Variants in LAMA4 observed in about 807,000 individuals in gnomAD.
LAMA4 encodes the protein laminin subunit alpha 4.
A neutral mutation model predicts 207.1 loss-of-function variants in LAMA4; 127 were observed. That is an observed-to-expected ratio of 0.61 (90% CI 0.53 to 0.71). The LOEUF (loss-of-function observed/expected upper bound fraction) is 0.71. Among genes scored for constraint, LAMA4 ranks in the 30% least tolerant of loss-of-function variants. The probability of loss-of-function intolerance (pLI) is 0.00; values close to 1 mark genes in which losing one functional copy is unlikely to be tolerated. For synonymous variants in LAMA4, 761 were observed against 816.0 expected, an observed-to-expected ratio of 0.93 and a Z score of 1.15; for missense variants, 2,093 against 2,246.5, an observed-to-expected ratio of 0.93 and a Z score of 1.38.
At chr6:112,129,168 A>C in intron 30 of LAMA4, 93 bp from the exon 31 acceptor site, 1 of 1,150,432 alleles carries the variant, frequency 8.7e-7, no homozygotes, top group Non-Finnish European at 1.3e-6. Flanking sequence ...TTGGCAATTA[A>C]AATGTGTGTG....
rs116162523 is a variant in LAMA4, at chr6:112,181,506, C to T, written c.1078-3274G>A. ...CAGTTCCAGTCCCAAGAACTTAGCA[C>T]GCTGCTTCACATCTATCTGTTCTCA... On this transcript the variant is annotated intron_variant, in intron 9 of 38. Transcript: ENST00000230538. 1.5e-3 allele frequency among the ~76,000 whole-genome samples: 225 copies of T among 152,274 alleles called. 1 individual carries two copies. The highest frequency in any genetic ancestry group is 5.1e-3 in the African/African-American group (213 of 41,554).
intron 8 of LAMA4, among the ~76,000 whole-genome samples, chr6:112,186,576 GGATGCTCCAGTTCCT>G (rs1782695802): frequency 6.6e-6 from 1 of 152,120 alleles, no homozygotes; most frequent in Non-Finnish European, 1.5e-5. Context: ...GACCCCGTGG[GGATGCTCCAGTTCCT>G]GATACAAAAT....
chr6:112,249,420 C>G, intron 2 of LAMA4, among the ~76,000 whole-genome samples: 1 of 97,650 alleles, frequency 1.0e-5, no homozygotes. Context: ...TCCAGACAGG[C>G]AATAGAGCAA....
intron 31 of LAMA4, among the ~76,000 whole-genome samples, chr6:112,127,257 G>A (rs1778751472): frequency 6.6e-6 from 1 of 151,786 alleles, no homozygotes; most frequent in African/African-American, 2.4e-5. Flanking sequence ...ACAATATAAG[G>A]ACTATGAAAA....
intron 9 of LAMA4, among the ~76,000 whole-genome samples, chr6:112,180,186 A>G (rs1341099202): frequency 1.3e-5 from 2 of 152,158 alleles, no homozygotes; most frequent in African/African-American, 4.8e-5. Context: ...TTCCTATGTC[A>G]TTAAACTTAT....
intron 9 of LAMA4, among the ~76,000 whole-genome samples, chr6:112,182,179 C>T (rs112536979): frequency 7.5e-4 from 114 of 152,026 alleles, no homozygotes; most frequent in Middle Eastern, 3.4e-3. Context: ...GAAATGTAAA[C>T]AGTTATCCCT....
chr6:112,201,783 A>G, intron 4 of LAMA4, 95 bp from the exon 5 acceptor site: 1 of 1,028,300 alleles, frequency 9.7e-7, no homozygotes, highest in South Asian at 1.3e-5. Flanking sequence ...TGGTCCCATT[A>G]AAGTTCTAAT....
chr6:112,205,546 C>T (rs1784010934), intron 4 of LAMA4, among the ~76,000 whole-genome samples: 1 of 151,594 alleles, frequency 6.6e-6, no homozygotes, highest in Non-Finnish European at 1.5e-5. Flanking sequence ...ATTGGCTACT[C>T]TTTCTACTTG....
At chr6:112,181,895 G>A (rs996357335) in intron 9 of LAMA4, among the ~76,000 whole-genome samples, 6 of 152,024 alleles carry the variant, frequency 3.9e-5, no homozygotes, top group African/African-American at 1.2e-4. Flanking sequence ...TCAGGAATTT[G>A]AGACCAACCT....
intron 8 of LAMA4, 63 bp downstream of exon 8, chr6:112,187,376 TAGAAGGAATTA>T: frequency 6.5e-7 from 1 of 1,546,212 alleles, no homozygotes; most frequent in Non-Finnish European, 8.9e-7. Flanking sequence ...CAAAAAGGGG[TAGAAGGAATTA>T]CTAGCTGCGG....
At chr6:112,180,031 G>A in intron 9 of LAMA4, 1 of 427,818 alleles carries the variant, frequency 2.3e-6, no homozygotes, top group Non-Finnish European at 4.7e-6. Context: ...ACTCCTCCCT[G>A]CTTTTAAAAA....
intron 10 of LAMA4, 44 bp from the exon 11 acceptor site, chr6:112,175,524 A>T: frequency 6.2e-7 from 1 of 1,604,358 alleles, no homozygotes; most frequent in African/African-American, 1.3e-5. Context: ...GGGAGAGATG[A>T]CCAGGCACTA....
chr6:112,254,416 G>C (rs1468130518), intron 1 of LAMA4, 43 bp downstream of exon 1: 1 of 518,880 alleles, frequency 1.9e-6, no homozygotes, highest in South Asian at 2.1e-5. Flanking sequence ...TCTCCTTCCC[G>C]CAGAGGTTCT....
intron 12 of LAMA4, among the ~76,000 whole-genome samples, chr6:112,169,052 C>A (rs1781563323): frequency 1.3e-5 from 2 of 152,174 alleles, no homozygotes; most frequent in Admixed American, 1.3e-4. Flanking sequence ...GGACTCAGAT[C>A]ATGGGTGGCT....
chr6:112,235,868 GA>G (rs1477605211), intron 2 of LAMA4, among the ~76,000 whole-genome samples: 1 of 152,200 alleles, frequency 6.6e-6, no homozygotes, highest in Non-Finnish European at 1.5e-5. Context: ...TGAAATGAAA[GA>G]AATGGGATGC....
intron 9 of LAMA4, chr6:112,179,942 T>C (rs782674476): frequency 1.9e-6 from 1 of 532,636 alleles, no homozygotes; most frequent in Non-Finnish European, 3.9e-6. Flanking sequence ...TCTTGGCTTG[T>C]TCCAGTGCTT....
At position 112,204,096 on chromosome 6, in the gene LAMA4, G is replaced by A. The variant is rs537236839; in HGVS notation, c.423-2408C>T. Among the ~76,000 whole-genome samples the A allele has an allele frequency of 7.2e-4, 109 of 152,260 alleles. 1 individual carries two copies. The highest frequency in any genetic ancestry group is 2.6e-3 in the African/African-American group (107 of 41,556). On this transcript the variant is annotated intron_variant, in intron 4 of 38. Transcript: ENST00000230538. ...TTGCTCAACTAACATACCGGATACT[G>A]TGATTCAAAAGGTAAAGGGTCATTT...
In LAMA4 at chr6:112,139,202, C is replaced by T; in HGVS notation, c.3200G>A (p.Gly1067Glu). ...YAVVRDITRRGKFGQVTRFDI... is the reference protein window; with the variant it reads ...YAVVRDITRREKFGQVTRFDI... ...AAAGCGAGTCACCTGACCAAATTTC[C>T]CTCTCCTTGTGATGTCTCTCACCAC... Residue 1067 changes from glycine (G) to glutamate (E), a missense_variant, in exon 24 of 39, where the codon GGG (glycine) becomes GAG (glutamate). Transcript: ENST00000230538. The T allele has an allele frequency of 6.2e-7, 1 of 1,614,180 alleles. No homozygotes were observed. Among genetic ancestry groups the T allele is most frequent in the East Asian group, 2.2e-5 (1 of 44,884 alleles).
chr6:112,245,882 G>A (rs1403946930), intron 2 of LAMA4, among the ~76,000 whole-genome samples: 7 of 152,084 alleles, frequency 4.6e-5, no homozygotes, highest in African/African-American at 1.4e-4. Flanking sequence ...CTCTCCTCCC[G>A]CTTTTAACAG....
Sources: allele counts gnomAD v4.1 joint callset (sites outside exome capture counted in the v4.1 genomes callset), GRCh38; gene constraint gnomAD v4.1.1; transcripts MANE v1.5; gene names NCBI Gene and HGNC (gene_info 2026-07-23, HGNC 2026-07-21).